The following ABLIM3 variants were observed in gnomAD, a reference collection of about 807,000 sequenced individuals.
ABLIM3 encodes the protein actin binding LIM protein family member 3.
ABLIM3 carries 61 observed loss-of-function variants against 109.5 expected under a neutral mutation model. That is an observed-to-expected ratio of 0.56 (90% CI 0.45 to 0.69). ABLIM3 has a LOEUF of 0.69. ABLIM3 is among the 30% of genes least tolerant of loss of function. The pLI is 0.00. For synonymous variants in ABLIM3, 300 were observed against 324.8 expected (o/e 0.92, Z 0.82); for missense variants, 796 against 889.5 (o/e 0.89, Z 1.34).
At chr5:149,186,707 A>G (rs1409031811) in intron 3 of ABLIM3, among the ~76,000 whole-genome samples, 1 of 152,130 alleles carries the variant, frequency 6.6e-6, no homozygotes, top group African/African-American at 2.4e-5. Context: ...GTCAGTCAAA[A>G]ACATACAAAT....
At chr5:149,196,814 C>T (rs770704148) in intron 3 of ABLIM3, among the ~76,000 whole-genome samples, 6 of 152,212 alleles carry the variant, frequency 3.9e-5, no homozygotes, top group Non-Finnish European at 7.3e-5. Context: ...GTGTTGATTT[C>T]ACAACTTAAC....
In ABLIM3 at chr5:149,233,305, G is replaced by C; in HGVS notation, c.888+5G>C. On this transcript the variant is annotated splice_donor_5th_base_variant and intron_variant, in intron 10 of 23. Transcript: ENST00000309868. ...TCACCCAACCGAGTCATCTGCGTAT[G>C]TATCACTTTTCTACCACCAAAGGGC... is the stretch of plus-strand genomic sequence containing the variant. 6.2e-7 allele frequency: 1 copy of C among 1,613,946 alleles called. No homozygotes were observed.
chr5:149,198,608 TCTAAAACA>T lies in ABLIM3; in HGVS notation c.335+209_335+216del, dbSNP rs1327946804. Among the ~76,000 whole-genome samples the T allele has an allele frequency of 3.3e-5, 5 of 152,330 alleles. No individual in the cohort carries two copies. Among genetic ancestry groups the T allele is most frequent in the African/African-American group, 1.2e-4 (5 of 41,570 alleles). On this transcript the variant is annotated intron_variant, in intron 4 of 23. Transcript: ENST00000309868. This position sits in a 1 kb window ranked among gnomAD's most constrained non-coding sequence, Gnocchi z 4.2. The stretch of plus-strand genomic sequence containing the variant: ...ATCTTTCTTATAAAATACAATCTGA[TCTAAAACA>T]CTGGTTTGTCCTGTGATAGAGGCAG...
Position 149,239,906 on chromosome 5 carries a change from C to T in ABLIM3, c.1204+18C>T, listed in dbSNP as rs1752627917. On this transcript the variant is annotated intron_variant, in intron 13 of 23. Transcript: ENST00000309868. ...CCGCTCTGGTAAGGAAGGGGGAGGA[C>T]CTGAAGGGAGAGGAAGAGCCAGGGA... The T allele has an allele frequency of 2.5e-6, 4 of 1,589,292 alleles. No individual in the cohort carries two copies. Among genetic ancestry groups the T allele is most frequent in the East Asian group, 2.4e-5 (1 of 42,552 alleles).
At chr5:149,224,678 G>C (rs911867095) in intron 8 of ABLIM3, among the ~76,000 whole-genome samples, 3 of 152,182 alleles carry the variant, frequency 2.0e-5, no homozygotes, top group Admixed American at 2.0e-4. Flanking sequence ...GATTATTTTT[G>C]TAGGTGGAGG....
intron 7 of ABLIM3, among the ~76,000 whole-genome samples, chr5:149,213,639 A>G (rs2963487): frequency 0.41 from 61,625 of 151,808 alleles, 12,703 homozygotes; most frequent in East Asian, 0.51. Flanking sequence ...CCACAGATGG[A>G]AATTTGTTCA....
At position 149,207,149 on chromosome 5, in the gene ABLIM3, T is replaced by A. The variant is rs199910922; in HGVS notation, c.575+15T>A. 4 of 1,610,916 alleles carry A rather than the reference T, an allele frequency of 2.5e-6. No homozygotes were observed. The highest frequency in any genetic ancestry group is 1.3e-5 in the African/African-American group (1 of 74,816). The stretch of plus-strand genomic sequence containing the variant: ...TATATCAGCAAGTGGGTCCCCCTGC[T>A]CCTGCCCCAGCTGCCTGGGCCTCTG... On this transcript the variant is annotated intron_variant, in intron 6 of 23. Transcript: ENST00000309868.
intron 10 of ABLIM3, among the ~76,000 whole-genome samples, chr5:149,235,936 G>A (rs1238218407): frequency 2.0e-5 from 3 of 152,208 alleles, no homozygotes; most frequent in African/African-American, 7.2e-5. Context: ...AAAAGATGAG[G>A]GAAGGGAACA....
chr5:149,160,045 T>C (rs999428499), intron 2 of ABLIM3, among the ~76,000 whole-genome samples: 5 of 152,174 alleles, frequency 3.3e-5, no homozygotes, highest in African/African-American at 9.7e-5. Flanking sequence ...TTTGTAAATA[T>C]CTGTTTACTT....
At chr5:149,256,598 T>G (rs1273691409) in intron 23 of ABLIM3, among the ~76,000 whole-genome samples, 1 of 152,262 alleles carries the variant, frequency 6.6e-6, no homozygotes, top group Non-Finnish European at 1.5e-5. Context: ...GAATTCCTGT[T>G]AGATTTTCTT....
At chr5:149,181,914 C>T in intron 2 of ABLIM3, among the ~76,000 whole-genome samples, 1 of 152,176 alleles carries the variant, frequency 6.6e-6, no homozygotes, top group Admixed American at 6.5e-5. Context: ...CGGATCCAAG[C>T]TGATGCATCC....
chr5:149,183,504 G>C lies in ABLIM3; in HGVS notation c.66G>C (p.Gln22His), dbSNP rs1756653336. 1.3e-6 allele frequency: 2 copies of C among 1,597,598 alleles called. No homozygotes were observed. ...CACGGGGCAGCTCCAATGTCATCCA[G>C]TGCTACCGCTGTGGAGACACCTGCA... is the stretch of plus-strand genomic sequence containing the variant. ...YNPRGSSNVI[Q>H]CYRCGDTCKG... is the part of the protein sequence containing the mutation. Residue 22 changes from glutamine (Q) to histidine (H), a missense_variant, in exon 3 of 24, where the codon CAG (glutamine) becomes CAC (histidine). Transcript: ENST00000309868.
In ABLIM3 at chr5:149,236,929, G is replaced by A. The variant is rs1322189635; in HGVS notation, c.889-519G>A. ...TGGTACAGAGCCTGGCTTATAATAAGTACTCACCAAATGTTAGCTAGTGTT... is the reference window on the plus strand; with the variant it reads ...TGGTACAGAGCCTGGCTTATAATAAATACTCACCAAATGTTAGCTAGTGTT... On this transcript the variant is annotated intron_variant, in intron 10 of 23. Coordinates refer to ENST00000309868, the MANE Select transcript of ABLIM3 (RefSeq NM_014945.5). Among the ~76,000 whole-genome samples the A allele has an allele frequency of 3.9e-5, 6 of 152,328 alleles. 1 individual carries two copies. In the South Asian group the frequency reaches 1.0e-3, roughly 26 times the overall value.
Position 149,198,566 on chromosome 5 carries a change from A to G in ABLIM3, c.335+164A>G, listed in dbSNP as rs988691739. ...GGATCTGATGGGCCAGTGGTTTTCA[A>G]ACACTGTAGCATCTGAATCTTTCTT... On this transcript the variant is annotated intron_variant, in intron 4 of 23. Coordinates refer to ENST00000309868, the MANE Select transcript of ABLIM3 (RefSeq NM_014945.5). This position sits in a 1 kb window ranked among gnomAD's most constrained non-coding sequence, Gnocchi z 4.2. Among the ~76,000 whole-genome samples the G allele has an allele frequency of 6.6e-6, 1 of 152,198 alleles. No individual in the cohort carries two copies. Among genetic ancestry groups the G allele is most frequent in the East Asian group, 1.9e-4 (1 of 5,204 alleles).
chr5:149,249,938 A>ATG (rs1177599618), intron 19 of ABLIM3, 94 bp downstream of exon 19: 1 of 1,435,890 alleles, frequency 7.0e-7, no homozygotes, highest in Admixed American at 1.7e-5. Flanking sequence ...TGACCATACA[A>ATG]TGTGGATGTC....
chr5:149,233,131 T>G, intron 9 of ABLIM3, 98 bp from the exon 10 acceptor site: 1 of 1,003,924 alleles, frequency 1.0e-6, no homozygotes, highest in South Asian at 1.3e-5. Flanking sequence ...AGTACTTTAA[T>G]GGTATTGCTA....
intron 7 of ABLIM3, among the ~76,000 whole-genome samples, chr5:149,215,346 G>A (rs2127523237): frequency 6.6e-6 from 1 of 152,218 alleles, no homozygotes; most frequent in Non-Finnish European, 1.5e-5. Context: ...ATGATGACAA[G>A]GACACTGTCT....
rs1754332554 is a variant in ABLIM3, at chr5:149,161,188, C to T, written c.13+19080C>T. 2.0e-5 allele frequency among the ~76,000 whole-genome samples: 3 copies of T among 152,308 alleles called. No individual in the cohort carries two copies. The South Asian group carries it at 6.2e-4, about 32-fold the overall frequency. On this transcript the variant is annotated intron_variant, in intron 2 of 23. Coordinates refer to ENST00000309868, the MANE Select transcript of ABLIM3 (RefSeq NM_014945.5). Reference sequence around the variant, plus strand: ...TCTGCCCGCGGGAGCTCTCTGAAACCTTCTGTTTACAGTGGAAAGTGTTTG... The same window carrying T: ...TCTGCCCGCGGGAGCTCTCTGAAACTTTCTGTTTACAGTGGAAAGTGTTTG...
intron 2 of ABLIM3, among the ~76,000 whole-genome samples, chr5:149,143,730 G>C (rs990296224): frequency 1.5e-4 from 23 of 152,160 alleles, no homozygotes; most frequent in African/African-American, 5.3e-4. Context: ...TGACAGGCTG[G>C]AATGGTGTTT....
Sources: gnomAD v4.1 joint callset for allele counts (sites outside exome capture counted in the v4.1 genomes callset) on GRCh38, gnomAD v4.1.1 for gene constraint, Gnocchi (gnomAD v3.1) non-coding constraint, MANE v1.5 for transcripts, NCBI Gene and HGNC (gene_info 2026-07-23, HGNC 2026-07-21) for gene names.